The following TXNDC16 variants were observed in gnomAD, a reference collection of about 807,000 sequenced individuals.
The protein encoded by TXNDC16 is thioredoxin domain containing 16.
A neutral mutation model predicts 85.6 loss-of-function variants in TXNDC16; 74 were observed. That is an observed-to-expected ratio of 0.86 (90% confidence interval 0.72 to 1.05). TXNDC16 has a LOEUF of 1.05. Ranked by LOEUF, TXNDC16 falls within the 50% of genes least tolerant of loss-of-function variation. TXNDC16 has a pLI of 0.00. For missense variants in TXNDC16, 959 were observed against 947.0 expected (o/e 1.01, Z -0.17); for synonymous variants, 335 against 326.5 (o/e 1.03, Z -0.28).
Position 52,533,264 on chromosome 14 carries a change from C to T in TXNDC16, c.392+3455G>A, listed in dbSNP as rs543418517. Reference sequence around the variant, plus strand: ...ATTTCAGATGGTGATCAGACTAGAGCTGGGTAGCATGAGGTAGGAAAGAAG... The same window carrying T: ...ATTTCAGATGGTGATCAGACTAGAGTTGGGTAGCATGAGGTAGGAAAGAAG... On this transcript the variant is annotated intron_variant, in intron 6 of 20. Transcript: ENST00000281741. Among the ~76,000 whole-genome samples, 156 of 152,238 alleles carry T rather than the reference C, an allele frequency of 1.0e-3. 1 individual carries two copies. The highest frequency in any genetic ancestry group is 3.5e-3 in the African/African-American group (147 of 41,546).
intron 9 of TXNDC16, among the ~76,000 whole-genome samples, chr14:52,505,564 C>G (rs1251506137): frequency 6.6e-6 from 1 of 152,196 alleles, no homozygotes; most frequent in South Asian, 2.1e-4. Flanking sequence ...ACATTCAAAG[C>G]AGTGTGTAGA....
intron 20 of TXNDC16, among the ~76,000 whole-genome samples, chr14:52,438,941 C>G (rs2035099131): frequency 6.6e-6 from 1 of 151,984 alleles, no homozygotes; most frequent in Non-Finnish European, 1.5e-5. Flanking sequence ...CATAAATTAC[C>G]AAAATCATAT....
In TXNDC16 at chr14:52,530,394, A is replaced by T. The variant is rs1389062094; in HGVS notation, c.392+6325T>A. Among the ~76,000 whole-genome samples, 16 of 17,460 alleles carry T rather than the reference A, an allele frequency of 9.2e-4. 2 individuals carry two copies. Among genetic ancestry groups the T allele is most frequent in the African/African-American group, 4.8e-3 (13 of 2,684 alleles). The allele number at this position is 17,460 out of a possible 152,430, so 11.5% of individuals were successfully genotyped here. A position where few individuals can be genotyped will look rare whatever the true frequency, so the allele number is the denominator to read the frequency against. The stretch of plus-strand genomic sequence containing the variant: ...TATATAATATTATATATAATATTAT[A>T]ATATAATATATAATTATTATATAAT... On this transcript the variant is annotated intron_variant, in intron 6 of 20. Transcript: ENST00000281741.
At chr14:52,449,765 C>G (rs1421373292) in intron 18 of TXNDC16, among the ~76,000 whole-genome samples, 3 of 152,098 alleles carry the variant, frequency 2.0e-5, no homozygotes, top group East Asian at 3.9e-4. Context: ...TCTCTCACCA[C>G]AATGGAATAA....
chr14:52,488,625 C>T, intron 11 of TXNDC16, 139 bp from the exon 12 acceptor site: 1 of 585,552 alleles, frequency 1.7e-6, no homozygotes. Context: ...CATCTGAGGT[C>T]AGTAGTTCGA....
At chr14:52,491,267 A>C (rs1010619409) in intron 9 of TXNDC16, among the ~76,000 whole-genome samples, 1 of 150,980 alleles carries the variant, frequency 6.6e-6, no homozygotes, top group African/African-American at 2.4e-5. Flanking sequence ...TTGTAGCCTT[A>C]GCCTTCTGGG....
At position 52,470,529 on chromosome 14, in the gene TXNDC16, G is replaced by C; in HGVS notation, c.1464C>G (p.Leu488=). 6.2e-7 allele frequency: 1 copy of C among 1,612,542 alleles called. No homozygotes were observed. The highest frequency in any genetic ancestry group is 8.5e-7 in the Non-Finnish European group (1 of 1,179,458). ...SYAGMLGTED[L]LKFIQLNRIS... The stretch of plus-strand genomic sequence containing the variant: ...ATACTTACAGCTGGATAAATTTTAG[G>C]AGATCTTCGGTTCCTAACATTCCAG... The change falls in exon 15 of 21, where the codon CTC becomes CTG. Residue 488 remains leucine, a synonymous_variant. Transcript: ENST00000281741.
At chr14:52,450,741 A>C (rs1195515141) in intron 18 of TXNDC16, among the ~76,000 whole-genome samples, 1 of 151,936 alleles carries the variant, frequency 6.6e-6, no homozygotes, top group Non-Finnish European at 1.5e-5. Context: ...CCATTTGATC[A>C]AGCAATCTCA....
chr14:52,505,502 T>C (rs1233314157), intron 9 of TXNDC16, among the ~76,000 whole-genome samples: 8 of 152,216 alleles, frequency 5.3e-5, no homozygotes, highest in African/African-American at 1.7e-4. Flanking sequence ...GAAATAAAGA[T>C]GTCTTTGAAA....
chr14:52,455,938 G>A (rs907247048), intron 17 of TXNDC16, among the ~76,000 whole-genome samples: 1 of 152,136 alleles, frequency 6.6e-6, no homozygotes, highest in East Asian at 1.9e-4. Context: ...ATAGGACTGA[G>A]AGAGTGATAA....
intron 9 of TXNDC16, among the ~76,000 whole-genome samples, chr14:52,503,361 C>G (rs955771281): frequency 6.6e-6 from 1 of 152,202 alleles, no homozygotes; most frequent in African/African-American, 2.4e-5. Flanking sequence ...GCCAGGTACT[C>G]CTCTGAGACA....
chr14:52,468,866 G>C (rs2035836399), intron 16 of TXNDC16, among the ~76,000 whole-genome samples: 1 of 150,724 alleles, frequency 6.6e-6, no homozygotes, highest in Non-Finnish European at 1.5e-5. Context: ...AATAGGGCGA[G>C]ACCCTGTCTC....
intron 9 of TXNDC16, 79 bp downstream of exon 9, chr14:52,511,161 T>C (rs1438006265): frequency 4.8e-6 from 6 of 1,261,422 alleles, no homozygotes; most frequent in Non-Finnish European, 6.2e-6. Context: ...TAACAAATTT[T>C]ATGTTAAAAT....
chr14:52,463,194 T>TAAAAA (rs34848366), intron 16 of TXNDC16, among the ~76,000 whole-genome samples: 1 of 141,926 alleles, frequency 7.0e-6, no homozygotes, highest in African/African-American at 2.6e-5. Flanking sequence ...CCAGTTCAGA[T>TAAAAA]AAAAAAAAAA....
Position 52,457,159 on chromosome 14 carries a change from C to A in TXNDC16, c.1634G>T (p.Ser545Ile), listed in dbSNP as rs1201100730. 1 of 1,583,632 alleles carries A rather than the reference C, an allele frequency of 6.3e-7. No homozygotes were observed. The highest frequency in any genetic ancestry group is 8.6e-7 in the Non-Finnish European group (1 of 1,167,338). ...TCCTTTTAGGTAGTTTCCTGCTTCA[C>A]TAAAATCTTCTTTTGCTATAAATAC... The part of the protein sequence containing the change: ...PTMKTAKEDF[S>I]EAGNYLKGYV... Residue 545 changes from serine (S) to isoleucine (I), a missense_variant, in exon 17 of 21, where the codon AGT (serine) becomes ATT (isoleucine). By Grantham distance (142) the Ser-to-Ile change is moderately radical (BLOSUM62 -2). Transcript: ENST00000281741.
chr14:52,522,816 A>G (rs906558421), intron 6 of TXNDC16, among the ~76,000 whole-genome samples: 5 of 152,210 alleles, frequency 3.3e-5, no homozygotes, highest in African/African-American at 4.8e-5. Flanking sequence ...TCTAGGGCTT[A>G]TAACTAAAAA....
intron 6 of TXNDC16, among the ~76,000 whole-genome samples, chr14:52,521,060 TA>T (rs905955178): frequency 1.3e-4 from 19 of 151,112 alleles, no homozygotes; most frequent in African/African-American, 3.4e-4. Flanking sequence ...ACTTTTTATT[TA>T]AAAAAAAACT....
At chr14:52,438,552 A>C (rs543218365) in intron 20 of TXNDC16, among the ~76,000 whole-genome samples, 1 of 152,352 alleles carries the variant, frequency 6.6e-6, no homozygotes, top group Admixed American at 6.5e-5. Context: ...TAATGCTATT[A>C]CACATTTAAT....
At chr14:52,476,839 A>C (rs1020397844) in intron 14 of TXNDC16, among the ~76,000 whole-genome samples, 1 of 152,200 alleles carries the variant, frequency 6.6e-6, no homozygotes, top group South Asian at 2.1e-4. Context: ...TGGGAAATTA[A>C]TCACAAGAAG....
Sources: gnomAD v4.1 joint callset for allele counts (sites outside exome capture counted in the v4.1 genomes callset) on GRCh38, gnomAD v4.1.1 for gene constraint, MANE v1.5 for transcripts, NCBI Gene and HGNC (gene_info 2026-07-23, HGNC 2026-07-21) for gene names.